Variants in PDE7B observed in about 807,000 individuals in gnomAD.
PDE7B encodes 3',5'-cyclic-AMP phosphodiesterase 7B.
Under a neutral mutation model 56.2 loss-of-function variants are expected in PDE7B, and 29 were observed. The observed-to-expected ratio is 0.52, with a 90% CI of 0.38 to 0.70. The LOEUF is 0.70. Ranked by LOEUF, PDE7B falls within the 30% of genes least tolerant of loss-of-function variation. The pLI is 0.00. For synonymous variants in PDE7B, 197 were observed against 196.9 expected (o/e 1.00, Z 0.00); for missense variants, 490 against 565.0 (o/e 0.87, Z 1.35).
chr6:135,873,604 T>C (rs552837878), intron 1 of PDE7B, among the ~76,000 whole-genome samples: 2 of 152,234 alleles, frequency 1.3e-5, no homozygotes, highest in Admixed American at 1.3e-4. Context: ...CATATATGAT[T>C]GATTTTGGAG....
intron 2 of PDE7B, among the ~76,000 whole-genome samples, chr6:135,979,651 C>G (rs1775258516): frequency 6.6e-6 from 1 of 152,096 alleles, no homozygotes; most frequent in Admixed American, 6.6e-5. Flanking sequence ...ACACCAACAA[C>G]AGACAAACAG....
At chr6:135,978,334 A>G (rs913089323) in intron 2 of PDE7B, among the ~76,000 whole-genome samples, 6 of 152,144 alleles carry the variant, frequency 3.9e-5, no homozygotes, top group African/African-American at 1.4e-4. Flanking sequence ...CTTACCGTAA[A>G]TGGAGCTTGC....
At chr6:136,038,647 TGTGAC>T (rs1562476737) in intron 2 of PDE7B, 2 of 674,538 alleles carry the variant, frequency 3.0e-6, no homozygotes, top group East Asian at 1.4e-4. Context: ...GTCTGAGGGC[TGTGAC>T]TTCCAAATGT....
chr6:135,965,606 T>G (rs1774983245), intron 2 of PDE7B, among the ~76,000 whole-genome samples: 1 of 152,104 alleles, frequency 6.6e-6, no homozygotes, highest in Non-Finnish European at 1.5e-5. Context: ...AGAGAACTTG[T>G]GCAGGGAAAC....
intron 2 of PDE7B, chr6:136,064,273 T>G (rs1246240664): frequency 6.6e-6 from 1 of 152,164 alleles, no homozygotes; most frequent in African/African-American, 2.4e-5. Context: ...ACAAGCCAAA[T>G]TACTTACGAT....
At chr6:135,871,840 G>T (rs1467971159) in intron 1 of PDE7B, among the ~76,000 whole-genome samples, 3 of 151,322 alleles carry the variant, frequency 2.0e-5, no homozygotes. Flanking sequence ...ATGGTGGAAA[G>T]ATCTAAGTAA....
intron 2 of PDE7B, among the ~76,000 whole-genome samples, chr6:135,979,977 C>T (rs75949767): frequency 1.0e-3 from 156 of 152,142 alleles, no homozygotes; most frequent in Middle Eastern, 3.4e-3. Flanking sequence ...GAGCCCACAT[C>T]GCCAAGTCAA....
chr6:136,114,022 C>A (rs1368716960), intron 3 of PDE7B, among the ~76,000 whole-genome samples: 2 of 152,282 alleles, frequency 1.3e-5, no homozygotes, highest in Non-Finnish European at 2.9e-5. Flanking sequence ...ACAGCTTCAG[C>A]CTGAGGTTTT....
chr6:136,153,794 A>G (rs1001540855), intron 6 of PDE7B, among the ~76,000 whole-genome samples: 1 of 152,132 alleles, frequency 6.6e-6, no homozygotes, highest in Non-Finnish European at 1.5e-5. Context: ...GACAGCCTTT[A>G]TGAATGTCAG....
chr6:135,949,598 A>G (rs1774661288), intron 2 of PDE7B, among the ~76,000 whole-genome samples: 1 of 152,122 alleles, frequency 6.6e-6, no homozygotes, highest in African/African-American at 2.4e-5. Context: ...ACATAATTAG[A>G]TCATTTATTC....
intron 2 of PDE7B, among the ~76,000 whole-genome samples, chr6:136,014,608 A>G (rs1775944868): frequency 6.6e-6 from 1 of 152,200 alleles, no homozygotes; most frequent in African/African-American, 2.4e-5. Flanking sequence ...CCTCTATGAC[A>G]TGACATAGGT....
intron 2 of PDE7B, among the ~76,000 whole-genome samples, chr6:136,105,381 A>G (rs1777630002): frequency 6.6e-6 from 1 of 152,214 alleles, no homozygotes; most frequent in African/African-American, 2.4e-5. Context: ...TGAGGTTTCA[A>G]GTCGGTTCTG....
At chr6:136,000,651 A>T (rs907869357) in intron 2 of PDE7B, among the ~76,000 whole-genome samples, 1 of 152,150 alleles carries the variant, frequency 6.6e-6, no homozygotes, top group Non-Finnish European at 1.5e-5. Context: ...TGGTTACTGT[A>T]GCCCTGTAAT....
intron 2 of PDE7B, among the ~76,000 whole-genome samples, chr6:136,063,726 G>A (rs979893268): frequency 2.6e-5 from 4 of 152,100 alleles, no homozygotes; most frequent in African/African-American, 7.2e-5. Flanking sequence ...CGCACAGTTC[G>A]TGTTTCTCAT....
At position 135,889,205 on chromosome 6, in the gene PDE7B, A is replaced by G. The variant is rs1775762793; in HGVS notation, c.21+37186A>G. ...CCAACAGATACCCCAGGCCTATGTT[A>G]GAGTATAGGTCTAATGTGACTCAGG... is the stretch of plus-strand genomic sequence containing the variant. On this transcript the variant is annotated intron_variant, in intron 1 of 12. Transcript: ENST00000308191. 2.0e-5 allele frequency among the ~76,000 whole-genome samples: 3 copies of G among 152,178 alleles called. 1 individual carries two copies. In the South Asian group the frequency reaches 6.2e-4, roughly 32 times the overall value.
Position 136,179,100 on chromosome 6 carries a change from T to G in PDE7B, c.907T>G (p.Leu303Val). ...RLKAHLHNKD[L>V]RLEDAQDRHF... ...GAAAGCTCACCTCCACAATAAAGAC[T>G]TAAGACTGGAGGATGCACAGGACAG... The change falls in exon 10 of 13, where the codon TTA becomes GTA. Residue 303 changes from leucine (L) to valine (V), a missense_variant. Leu to Val is a conservative substitution (Grantham distance 32). Transcript: ENST00000308191. 1 of 1,614,096 alleles carries G rather than the reference T, an allele frequency of 6.2e-7. No individual in the cohort carries two copies. Among genetic ancestry groups the G allele is most frequent in the South Asian group, 1.1e-5 (1 of 91,088 alleles).
intron 2 of PDE7B, among the ~76,000 whole-genome samples, chr6:136,015,032 C>G (rs117218249): frequency 3.9e-5 from 6 of 152,208 alleles, no homozygotes; most frequent in African/African-American, 1.2e-4. Context: ...TGTGCGTGTA[C>G]GTGTGCAAGC....
At chr6:136,007,771 G>A (rs943846160) in intron 2 of PDE7B, among the ~76,000 whole-genome samples, 1 of 151,742 alleles carries the variant, frequency 6.6e-6, no homozygotes, top group Non-Finnish European at 1.5e-5. Flanking sequence ...GGTGTTCATA[G>A]TAGTTTCTGA....
intron 8 of PDE7B, among the ~76,000 whole-genome samples, chr6:136,166,924 G>C (rs996754343): frequency 3.3e-5 from 5 of 152,120 alleles, no homozygotes; most frequent in Non-Finnish European, 7.4e-5. Flanking sequence ...GTTTGTAATT[G>C]CCAGAAGGCT....
Sources: gnomAD v4.1 joint callset for allele counts (sites outside exome capture counted in the v4.1 genomes callset) on GRCh38, gnomAD v4.1.1 for gene constraint, MANE v1.5 for transcripts, NCBI Gene and HGNC (gene_info 2026-07-23, HGNC 2026-07-21) for gene names.